Variants in TLK2 observed in about 807,000 individuals in gnomAD.
The protein encoded by TLK2 is serine/threonine-protein kinase tousled-like 2.
A neutral mutation model predicts 117.3 loss-of-function variants in TLK2; 6 were observed. That is an observed-to-expected ratio of 0.05 (90% CI 0.03 to 0.10). The LOEUF is 0.10. Among genes scored for constraint, TLK2 ranks in the 10% least tolerant of loss-of-function variants. TLK2 has a pLI of 1.00. For missense variants in TLK2, 299 were observed against 901.2 expected, an observed-to-expected ratio of 0.33 and a Z score of 8.56; for synonymous variants, 257 against 316.7, an observed-to-expected ratio of 0.81 and a Z score of 2.00.
At chr17:62,590,158 A>T (rs1320613371) in intron 16 of TLK2, among the ~76,000 whole-genome samples, 2 of 145,022 alleles carry the variant, frequency 1.4e-5, no homozygotes, top group Non-Finnish European at 3.0e-5. Flanking sequence ...CCGGCTGGGC[A>T]CGGTGGCTCA....
intron 7 of TLK2, among the ~76,000 whole-genome samples, chr17:62,540,857 G>A (rs1231923358): frequency 3.3e-5 from 5 of 152,110 alleles, no homozygotes; most frequent in African/African-American, 1.2e-4. Flanking sequence ...CGTAAGTCCA[G>A]TCATGCCACT....
At chr17:62,555,160 C>T (rs1439230693) in intron 9 of TLK2, among the ~76,000 whole-genome samples, 2 of 152,138 alleles carry the variant, frequency 1.3e-5, no homozygotes, top group Admixed American at 6.5e-5. Flanking sequence ...TAATCTGACT[C>T]TTCAGGGTCC....
chr17:62,576,480 T>C (rs1026093799), intron 12 of TLK2, among the ~76,000 whole-genome samples: 1 of 152,202 alleles, frequency 6.6e-6, no homozygotes, highest in African/African-American at 2.4e-5. Flanking sequence ...TTTTTTTCTT[T>C]TTTATGTTTT....
upstream of TLK2, among the ~76,000 whole-genome samples, chr17:62,475,074 T>C (rs1362390455): frequency 1.3e-5 from 2 of 152,140 alleles, no homozygotes; most frequent in Non-Finnish European, 2.9e-5. Flanking sequence ...CTTAGAGCTC[T>C]TTCCTAGCAA....
chr17:62,539,764 A>G (rs1363828476), intron 7 of TLK2, among the ~76,000 whole-genome samples: 2 of 151,784 alleles, frequency 1.3e-5, no homozygotes, highest in African/African-American at 2.4e-5. Flanking sequence ...GGCCTCCCCA[A>G]AGTTCTGGGA....
intron 2 of TLK2, among the ~76,000 whole-genome samples, chr17:62,482,482 C>G (rs896922627): frequency 6.8e-6 from 1 of 147,202 alleles, no homozygotes; most frequent in African/African-American, 2.5e-5. Flanking sequence ...CAGAGCCTTG[C>G]TCTGTCACCC....
intron 11 of TLK2, among the ~76,000 whole-genome samples, chr17:62,571,715 A>G (rs1267975094): frequency 6.6e-6 from 1 of 152,186 alleles, no homozygotes; most frequent in Non-Finnish European, 1.5e-5. Context: ...CCTTCTAGAT[A>G]TGTTCGAATA....
intron 16 of TLK2, among the ~76,000 whole-genome samples, chr17:62,594,036 G>A (rs960164772): frequency 2.0e-5 from 3 of 151,344 alleles, no homozygotes; most frequent in African/African-American, 4.8e-5. Flanking sequence ...CAAGTGATCC[G>A]CCTGCCTCAG....
Position 62,601,315 on chromosome 17 carries a change from A to G in TLK2, c.1720+495A>G, listed in dbSNP as rs576798804. Among the ~76,000 whole-genome samples, 6 of 152,236 alleles carry G rather than the reference A, an allele frequency of 3.9e-5. No individual in the cohort carries two copies. The East Asian group carries it at 5.8e-4, about 15-fold the overall frequency. On this transcript the variant is annotated intron_variant, in intron 18 of 21. Transcript: ENST00000346027. ...CAGGGCAGCTAGAGTCCTTACCTCTATTTTTTATTGTTATCTTCAGCTGTG... is the reference window on the plus strand; with the variant it reads ...CAGGGCAGCTAGAGTCCTTACCTCTGTTTTTTATTGTTATCTTCAGCTGTG...
intron 12 of TLK2, among the ~76,000 whole-genome samples, chr17:62,576,419 A>G (rs2080790563): frequency 6.6e-6 from 1 of 152,216 alleles, no homozygotes; most frequent in Non-Finnish European, 1.5e-5. Flanking sequence ...TTATCTTAGT[A>G]ATATATGGCA....
chr17:62,546,344 G>GTTTGTTTTTTTTTT (rs1555628574), intron 7 of TLK2, among the ~76,000 whole-genome samples: 1 of 23,346 alleles, frequency 4.3e-5, no homozygotes, highest in Admixed American at 9.6e-4. Context: ...TTTGTTGATT[G>GTTTGTTTTTTTTTT]TTTTTTTTTT....
At position 62,586,233 on chromosome 17, in the gene TLK2, G is replaced by A. The variant is rs767344331; in HGVS notation, c.1460+7G>A. 4 of 1,592,072 alleles carry A rather than the reference G, an allele frequency of 2.5e-6. No homozygotes were observed. In the East Asian group the frequency reaches 8.9e-5, roughly 36 times the overall value. Reference sequence around the variant, plus strand: ...AAAAGGAGAATTACCACAAGTAAGTGATACTTGAGTGTCTGACTTTTTAAA... The same window carrying A: ...AAAAGGAGAATTACCACAAGTAAGTAATACTTGAGTGTCTGACTTTTTAAA... On this transcript the variant is annotated splice_region_variant and intron_variant, in intron 16 of 21. Transcript: ENST00000346027.
intron 2 of TLK2, among the ~76,000 whole-genome samples, chr17:62,520,106 C>A (rs1426090392): frequency 6.6e-6 from 1 of 152,184 alleles, no homozygotes; most frequent in African/African-American, 2.4e-5. Context: ...GAATGCTACC[C>A]CAGCTCTAGG....
At chr17:62,540,106 T>C (rs1267290461) in intron 7 of TLK2, among the ~76,000 whole-genome samples, 1 of 148,186 alleles carries the variant, frequency 6.7e-6, no homozygotes, top group Non-Finnish European at 1.5e-5. Flanking sequence ...TTTCTTTTTT[T>C]TTTTTTTTTT....
chr17:62,483,690 A>G (rs947000617), intron 2 of TLK2, among the ~76,000 whole-genome samples: 8 of 151,998 alleles, frequency 5.3e-5, no homozygotes, highest in African/African-American at 1.5e-4. Flanking sequence ...TTTAGTAGAG[A>G]TGGGGTTTTA....
rs866994290 is a variant in TLK2 at position 62,606,324 on chromosome 17, A to G, written c.1971+83A>G. 63 of 683,610 alleles carry G rather than the reference A, an allele frequency of 9.2e-5. No homozygotes were observed. In the Middle Eastern group the frequency reaches 0.011, roughly 119 times the overall value. The allele number at this position is 683,610 out of a possible 1,614,324, so 42.3% of individuals were successfully genotyped here. On this transcript the variant is annotated intron_variant, in intron 20 of 21. Coordinates refer to ENST00000346027, the MANE Select transcript of TLK2 (RefSeq NM_006852.6). ...ACAGTGCCTTGGTATGGATTAGTCT[A>G]TTGGAGTTAATTATTGGGTTATACA...
At chr17:62,576,570 C>G (rs2080802589) in intron 12 of TLK2, 139 bp from the exon 13 acceptor site, 1 of 664,232 alleles carries the variant, frequency 1.5e-6, no homozygotes, top group Admixed American at 2.9e-5. Flanking sequence ...TGTCAGAGGA[C>G]TACAAGATAA....
chr17:62,555,757 G>A (rs1390163436), intron 9 of TLK2, among the ~76,000 whole-genome samples: 1 of 151,614 alleles, frequency 6.6e-6, no homozygotes, highest in East Asian at 2.0e-4. Context: ...GATTACAGGC[G>A]TGAGCCACCG....
chr17:62,527,987 C>G (rs1206427082), intron 6 of TLK2, among the ~76,000 whole-genome samples: 2 of 152,134 alleles, frequency 1.3e-5, no homozygotes, highest in Admixed American at 1.3e-4. Context: ...GTGATCCGCC[C>G]GCCTCGGCCT....
Sources: allele counts gnomAD v4.1 joint callset (sites outside exome capture counted in the v4.1 genomes callset), GRCh38; gene constraint gnomAD v4.1.1; transcripts MANE v1.5; gene names NCBI Gene and HGNC (gene_info 2026-07-23, HGNC 2026-07-21).